PAK1: variants seen among roughly 807,000 people sequenced by gnomAD.
PAK1 encodes the protein serine/threonine-protein kinase PAK 1.
In PAK1, 29 loss-of-function variants were observed where a neutral mutation model predicts 67.4. The ratio of observed to expected loss-of-function variants is 0.43; its 90% CI spans 0.32 to 0.59. The LOEUF (loss-of-function observed/expected upper bound fraction) is 0.59. Among genes scored for constraint, PAK1 ranks in the 20% least tolerant of loss-of-function variants. PAK1 has a pLI of 0.07. For missense variants in PAK1, 337 were observed against 670.7 expected (o/e 0.50, Z 5.50); for synonymous variants, 223 against 237.4 (o/e 0.94, Z 0.56).
Position 77,356,506 on chromosome 11 carries a change from C to T in PAK1, c.598-664G>A, listed in dbSNP as rs151252487. On this transcript the variant is annotated intron_variant, in intron 6 of 14. Transcript: ENST00000356341. ...TAAATCCCAACTCTTATTATTCTTA[C>T]CTTCTGCATGACTTTGGGCAGGTTA... is the stretch of plus-strand genomic sequence containing the variant. Among the ~76,000 whole-genome samples, 512 of 152,246 alleles carry T rather than the reference C, an allele frequency of 3.4e-3. 3 individuals carry two copies. Among genetic ancestry groups the T allele is most frequent in the African/African-American group, 0.012 (490 of 41,546 alleles).
the PAK1 span, among the ~76,000 whole-genome samples, chr11:77,502,529 C>T: frequency 6.6e-6 from 1 of 152,152 alleles, no homozygotes; most frequent in Non-Finnish European, 1.5e-5. Context: ...TTTACCCCTC[C>T]CTGCAAAAAT....
At position 77,338,941 on chromosome 11, in the gene PAK1, G is replaced by A. The variant is rs368658162; in HGVS notation, c.1117-1518C>T. On this transcript the variant is annotated intron_variant, in intron 11 of 14. Transcript: ENST00000356341. The stretch of plus-strand genomic sequence containing the variant: ...GGGAGAGTCAGGGCAGGGGACATGG[G>A]GAGTGACTGTTAATGGATATTAATT... Among the ~76,000 whole-genome samples, 13 of 152,212 alleles carry A rather than the reference G, an allele frequency of 8.5e-5. No homozygotes were observed. The East Asian group carries it at 1.9e-3, about 23-fold the overall frequency.
chr11:77,348,244 T>C (rs1324613863), intron 9 of PAK1, among the ~76,000 whole-genome samples: 3 of 152,204 alleles, frequency 2.0e-5, no homozygotes, highest in Non-Finnish European at 4.4e-5. Context: ...CTCTCAATTA[T>C]TGTGTACTGG....
intron 5 of PAK1, among the ~76,000 whole-genome samples, chr11:77,364,246 C>G (rs1352084609): frequency 1.3e-5 from 2 of 152,168 alleles, no homozygotes; most frequent in East Asian, 1.9e-4. Context: ...AAAGCTGGAA[C>G]AGACTTGAAA....
the PAK1 span, among the ~76,000 whole-genome samples, chr11:77,510,527 C>T: frequency 2.0e-5 from 3 of 152,106 alleles, no homozygotes; most frequent in Non-Finnish European, 2.9e-5. Flanking sequence ...GTGTGTACAC[C>T]GCACCTGGCC....
At chr11:77,411,427 G>A (rs961951023) in intron 1 of PAK1, among the ~76,000 whole-genome samples, 19 of 151,690 alleles carry the variant, frequency 1.3e-4, no homozygotes, top group African/African-American at 4.6e-4. Flanking sequence ...GTCCCAGCAG[G>A]CCAGCGACTA....
At chr11:77,525,182 CAAA>C in the PAK1 span, among the ~76,000 whole-genome samples, 5 of 107,092 alleles carry the variant, frequency 4.7e-5, no homozygotes, top group Admixed American at 2.0e-4. Context: ...CCACCCCTAT[CAAA>C]AAAAAAAAAA....
intron 1 of PAK1, among the ~76,000 whole-genome samples, chr11:77,401,979 G>A (rs1952758934): frequency 6.6e-6 from 1 of 152,124 alleles, no homozygotes; most frequent in East Asian, 1.9e-4. Context: ...ACTGACTAAG[G>A]CAGCCTGGGT....
At chr11:77,387,627 T>A (rs1471225489) in intron 2 of PAK1, among the ~76,000 whole-genome samples, 1 of 149,180 alleles carries the variant, frequency 6.7e-6, no homozygotes, top group African/African-American at 2.4e-5. Context: ...AAAACAAACC[T>A]CCTATTTGTA....
intron 2 of PAK1, among the ~76,000 whole-genome samples, chr11:77,390,290 C>T (rs2137375085): frequency 6.6e-6 from 1 of 152,314 alleles, no homozygotes; most frequent in South Asian, 2.1e-4. Flanking sequence ...ACCTCCGCCT[C>T]CCGGGTTCAA....
chr11:77,341,788 T>C (rs932276152), intron 10 of PAK1, among the ~76,000 whole-genome samples: 2 of 152,214 alleles, frequency 1.3e-5, no homozygotes, highest in Non-Finnish European at 2.9e-5. Context: ...TGGACAGATG[T>C]GGAGACTGTT....
At chr11:77,497,178 A>G in the PAK1 span, among the ~76,000 whole-genome samples, 1 of 152,194 alleles carries the variant, frequency 6.6e-6, no homozygotes, top group African/African-American at 2.4e-5. Context: ...AGGAAGGGGA[A>G]GGTGTGCCCA....
chr11:77,355,287 C>T (rs1027178883), intron 7 of PAK1, among the ~76,000 whole-genome samples: 4 of 152,214 alleles, frequency 2.6e-5, no homozygotes, highest in African/African-American at 9.6e-5. Flanking sequence ...TGCGTCTTCT[C>T]CTAGGTCAAT....
chr11:77,451,694 G>A (rs1956863237), intron 1 of PAK1, among the ~76,000 whole-genome samples: 1 of 145,780 alleles, frequency 6.9e-6, no homozygotes, highest in Non-Finnish European at 1.5e-5. Context: ...CCGCCTCCTG[G>A]GTTCATGCCA....
At chr11:77,419,128 C>T (rs1191815553) in intron 1 of PAK1, among the ~76,000 whole-genome samples, 1 of 152,156 alleles carries the variant, frequency 6.6e-6, no homozygotes, top group East Asian at 1.9e-4. Context: ...AAGTTTAGTT[C>T]CCGCTGATGA....
At chr11:77,417,980 C>T (rs1220404529) in intron 1 of PAK1, among the ~76,000 whole-genome samples, 1 of 152,142 alleles carries the variant, frequency 6.6e-6, no homozygotes, top group East Asian at 1.9e-4. Flanking sequence ...AGGGGATCTA[C>T]CTGCCTCGGC....
chr11:77,338,290 G>A (rs1591743476), intron 11 of PAK1, among the ~76,000 whole-genome samples: 1 of 152,052 alleles, frequency 6.6e-6, no homozygotes, highest in East Asian at 1.9e-4. Context: ...AAAGATATAA[G>A]TGAACAGGAA....
At chr11:77,443,732 A>G (rs1279781264) in intron 1 of PAK1, among the ~76,000 whole-genome samples, 1 of 152,200 alleles carries the variant, frequency 6.6e-6, no homozygotes, top group Non-Finnish European at 1.5e-5. Context: ...GGGATCTCGA[A>G]GTATCCAAAA....
chr11:77,469,318 G>A (rs892679566), intron 1 of PAK1, among the ~76,000 whole-genome samples: 4 of 152,076 alleles, frequency 2.6e-5, no homozygotes, highest in African/African-American at 9.7e-5. Flanking sequence ...CATCTCATAA[G>A]GTTATTCTGA....
Sources: gnomAD v4.1 joint callset for allele counts (sites outside exome capture counted in the v4.1 genomes callset) on GRCh38, gnomAD v4.1.1 for gene constraint, MANE v1.5 for transcripts, NCBI Gene and HGNC (gene_info 2026-07-23, HGNC 2026-07-21) for gene names.